The following RAB2A variants were observed in gnomAD, a reference collection of about 807,000 sequenced individuals.
The protein encoded by RAB2A is ras-related protein Rab-2A.
Under a neutral mutation model 32.5 loss-of-function variants are expected in RAB2A, and 7 were observed. The ratio of observed to expected loss-of-function variants is 0.22; its 90% CI spans 0.12 to 0.40. The LOEUF is 0.40. Among genes scored for constraint, RAB2A ranks in the 10% least tolerant of loss-of-function variants. The pLI is 1.00. For synonymous variants in RAB2A, 79 were observed against 85.2 expected, an observed-to-expected ratio of 0.93 and a Z score of 0.40; for missense variants, 108 against 260.7, an observed-to-expected ratio of 0.41 and a Z score of 4.03.
intron 6 of RAB2A, among the ~76,000 whole-genome samples, chr8:60,609,992 A>C (rs946046149): frequency 6.6e-6 from 1 of 150,616 alleles, no homozygotes; most frequent in Non-Finnish European, 1.5e-5. Flanking sequence ...AAATCCAGAC[A>C]AGCAAATTGG....
chr8:60,580,216 C>G (rs1198586789), intron 3 of RAB2A, among the ~76,000 whole-genome samples: 2 of 151,516 alleles, frequency 1.3e-5, no homozygotes, highest in East Asian at 1.9e-4. Flanking sequence ...AGGCTGGTCT[C>G]AAACGCCTGA....
chr8:60,608,434 T>TTC (rs746716461), intron 6 of RAB2A, among the ~76,000 whole-genome samples: 9 of 150,558 alleles, frequency 6.0e-5, no homozygotes, highest in Admixed American at 2.0e-4. Flanking sequence ...CTTTTTCTCT[T>TTC]TCTCTCTCTC....
intron 1 of RAB2A, among the ~76,000 whole-genome samples, chr8:60,524,138 C>G (rs1807343707): frequency 6.6e-6 from 1 of 152,088 alleles, no homozygotes; most frequent in African/African-American, 2.4e-5. Context: ...TCTTAAACTC[C>G]TCTGGTGACT....
intron 1 of RAB2A, 69 bp from the exon 2 acceptor site, chr8:60,558,783 A>C: frequency 7.5e-7 from 1 of 1,333,546 alleles, no homozygotes; most frequent in Non-Finnish European, 1.1e-6. Flanking sequence ...CCTCTTTTCC[A>C]TGTCCTTTTT....
chr8:60,605,093 A>G (rs1219219397), intron 6 of RAB2A, among the ~76,000 whole-genome samples: 5 of 152,138 alleles, frequency 3.3e-5, no homozygotes, highest in Non-Finnish European at 7.4e-5. Flanking sequence ...GCACAGCCTC[A>G]GGACACTACT....
At chr8:60,542,048 T>A (rs1807654187) in intron 1 of RAB2A, among the ~76,000 whole-genome samples, 1 of 152,022 alleles carries the variant, frequency 6.6e-6, no homozygotes, top group Non-Finnish European at 1.5e-5. Context: ...TCACCAAAAA[T>A]AAAAATCAGG....
chr8:60,595,574 A>G (rs1290656971), intron 6 of RAB2A, among the ~76,000 whole-genome samples: 2 of 152,254 alleles, frequency 1.3e-5, no homozygotes, highest in African/African-American at 2.4e-5. Context: ...ATATTAATCA[A>G]AGGAAAACAG....
At chr8:60,517,629 A>C (rs1004566550) in intron 1 of RAB2A, among the ~76,000 whole-genome samples, 1 of 152,184 alleles carries the variant, frequency 6.6e-6, no homozygotes, top group East Asian at 1.9e-4. Context: ...CAGGAAAAAG[A>C]AGGAGGGAAA....
intron 5 of RAB2A, among the ~76,000 whole-genome samples, chr8:60,591,303 CCTT>C (rs766136723): frequency 6.1e-4 from 92 of 151,854 alleles, no homozygotes; most frequent in Non-Finnish European, 1.1e-3. Context: ...TCTCTCTACT[CCTT>C]CTCCCTCCCT....
At position 60,552,001 on chromosome 8, in the gene RAB2A, G is replaced by GTTTTTTTTTTTTTTTTTTTT. The variant is rs78161048; in HGVS notation, c.47-6832_47-6831insTTTTTTTTTTTTTTTTTTTT. The GTTTTTTTTTTTTTTTTTTTT allele has an allele frequency of 9.8e-4, 107 of 109,716 alleles. 5 individuals are homozygous for GTTTTTTTTTTTTTTTTTTTT. Among genetic ancestry groups the GTTTTTTTTTTTTTTTTTTTT allele is most frequent in the African/African-American group, 3.3e-3 (92 of 27,570 alleles). 6.8% of individuals were successfully genotyped at this position (109,716 alleles called of 1,614,324 possible). On this transcript the variant is annotated intron_variant, in intron 1 of 7. Transcript: ENST00000262646. Reference sequence around the variant, plus strand: ...GCCTCAGCCTCTTGAGTAGCTGGGAGTTTTTTTTTTTTTTTTTTTAAGATG... The same window carrying GTTTTTTTTTTTTTTTTTTTT: ...GCCTCAGCCTCTTGAGTAGCTGGGAGTTTTTTTTTTTTTTTTTTTTTTTTTTTTTTTTTTTTTTTAAGATG...
chr8:60,534,838 C>A (rs1807533632), intron 1 of RAB2A, among the ~76,000 whole-genome samples: 1 of 152,162 alleles, frequency 6.6e-6, no homozygotes, highest in Admixed American at 6.5e-5. Context: ...TATTCCCTTC[C>A]CCATTCTCTA....
At chr8:60,605,120 C>G (rs1804203774) in intron 6 of RAB2A, among the ~76,000 whole-genome samples, 1 of 152,178 alleles carries the variant, frequency 6.6e-6, no homozygotes, top group Admixed American at 6.5e-5. Flanking sequence ...ATCCCAGCCA[C>G]TTTAGTTCCA....
At chr8:60,558,813 G>A (rs776460315) in intron 1 of RAB2A, 39 bp from the exon 2 acceptor site, 213 of 1,527,138 alleles carry the variant, frequency 1.4e-4, no homozygotes, top group Non-Finnish European at 1.9e-4. Context: ...CTTAATTTCT[G>A]TGAATTTTGT....
chr8:60,524,712 C>T (rs147702018), intron 1 of RAB2A, among the ~76,000 whole-genome samples: 2 of 152,342 alleles, frequency 1.3e-5, no homozygotes, highest in African/African-American at 4.8e-5. Flanking sequence ...GTTTTAGTCA[C>T]TCTCCGGGGA....
At position 60,617,883 on chromosome 8, in the gene RAB2A, T is replaced by G. The variant is rs1804473281; in HGVS notation, c.475-697T>G. ...TCATTAGCATTCTCTCCCCTTTTTC[T>G]CTTCCATCTAGCTTCTGGCAACCAG... On this transcript the variant is annotated intron_variant, in intron 6 of 7. Coordinates refer to ENST00000262646, the MANE Select transcript of RAB2A (RefSeq NM_002865.3). 2.6e-5 allele frequency among the ~76,000 whole-genome samples: 4 copies of G among 152,246 alleles called. No homozygotes were observed. The South Asian group carries it at 8.3e-4, about 31-fold the overall frequency.
chr8:60,616,576 A>G (rs1384619614), intron 6 of RAB2A, among the ~76,000 whole-genome samples: 1 of 152,272 alleles, frequency 6.6e-6, no homozygotes, highest in Non-Finnish European at 1.5e-5. Context: ...ATGTGAATCA[A>G]TTCATACTTG....
intron 1 of RAB2A, among the ~76,000 whole-genome samples, chr8:60,534,124 T>A (rs13262390): frequency 0.55 from 83,388 of 152,058 alleles, 26,394 homozygotes; most frequent in African/African-American, 0.88. Flanking sequence ...TGTACGAAGT[T>A]CTAAAGGTGT....
intron 6 of RAB2A, among the ~76,000 whole-genome samples, chr8:60,608,834 CTCTAT>C (rs1204846041): frequency 6.6e-6 from 1 of 152,108 alleles, no homozygotes; most frequent in Non-Finnish European, 1.5e-5. Flanking sequence ...TCTACAGATC[CTCTAT>C]TCTATAGTGT....
chr8:60,533,395 A>C (rs1807506653), intron 1 of RAB2A, among the ~76,000 whole-genome samples: 1 of 152,234 alleles, frequency 6.6e-6, no homozygotes, highest in Non-Finnish European at 1.5e-5. Context: ...GGAATGGTTG[A>C]GTATCTGAAC....
Sources: allele counts gnomAD v4.1 joint callset (sites outside exome capture counted in the v4.1 genomes callset), GRCh38; gene constraint gnomAD v4.1.1; transcripts MANE v1.5; gene names NCBI Gene and HGNC (gene_info 2026-07-23, HGNC 2026-07-21).